The following TEX11 variants were observed in gnomAD, a reference collection of about 807,000 sequenced individuals.
TEX11 encodes testis expressed 11, also known as testis-expressed protein 11.
A neutral mutation model predicts 84.4 loss-of-function variants in TEX11; 7 were observed. The observed-to-expected ratio is 0.08, with a 90% CI of 0.05 to 0.16. The LOEUF is 0.16. Among genes scored for constraint, TEX11 ranks in the 10% least tolerant of loss-of-function variants. The probability of loss-of-function intolerance (pLI) is 1.00; values close to 1 mark genes in which losing one functional copy is unlikely to be tolerated. For synonymous variants in TEX11, 264 were observed against 222.8 expected (o/e 1.18, Z -1.64); for missense variants, 551 against 660.5 (o/e 0.83, Z 1.82).
chrX:70,690,110 T>C (rs2090221909), intron 13 of TEX11, among the ~76,000 whole-genome samples: 1 of 110,869 alleles, frequency 9.0e-6, no homozygotes, highest in Admixed American at 9.6e-5. Context: ...GAAAAATATA[T>C]CTAAGAAACT....
At chrX:70,644,922 T>TA (rs200872256) in intron 17 of TEX11, among the ~76,000 whole-genome samples, 4 of 104,391 alleles carry the variant, frequency 3.8e-5, no homozygotes, top group South Asian at 4.2e-4. Flanking sequence ...TAAAGTATAA[T>TA]AAAAAAAATT....
At chrX:70,661,922 A>G (rs911142105) in intron 16 of TEX11, among the ~76,000 whole-genome samples, 1 of 111,890 alleles carries the variant, frequency 8.9e-6, no homozygotes, top group Non-Finnish European at 1.9e-5. Flanking sequence ...TGGGGAAAAA[A>G]CAGAGCAGAA....
At chrX:70,895,753 C>CA (rs1394175918) in intron 2 of TEX11, among the ~76,000 whole-genome samples, 1 of 111,873 alleles carries the variant, frequency 8.9e-6, no homozygotes, top group African/African-American at 3.2e-5. Context: ...ACAAACTTGA[C>CA]AAAAGCAAGC....
intron 5 of TEX11, among the ~76,000 whole-genome samples, chrX:70,858,623 G>A (rs982626529): frequency 9.0e-6 from 1 of 110,776 alleles, no homozygotes; most frequent in Admixed American, 9.6e-5. Flanking sequence ...ACACCACCAA[G>A]CATCCTCTAT....
intron 14 of TEX11, among the ~76,000 whole-genome samples, chrX:70,682,461 G>A (rs1033317317): frequency 9.0e-6 from 1 of 111,623 alleles, no homozygotes; most frequent in African/African-American, 3.2e-5. Context: ...TGTTTTCAAT[G>A]ATGGTTTCTT....
intron 9 of TEX11, among the ~76,000 whole-genome samples, chrX:70,747,712 C>G (rs753088138): frequency 6.0e-4 from 67 of 111,110 alleles, no homozygotes; most frequent in Admixed American, 3.9e-4. Context: ...AATGACTCAT[C>G]ATATGGAGAA....
At chrX:70,712,893 T>C (rs2090452398) in intron 13 of TEX11, among the ~76,000 whole-genome samples, 1 of 111,303 alleles carries the variant, frequency 9.0e-6, no homozygotes, top group Non-Finnish European at 1.9e-5. Context: ...ATGCTTCCAG[T>C]GTTTGCCCAT....
At chrX:70,709,521 C>T (rs764274133) in intron 13 of TEX11, among the ~76,000 whole-genome samples, 2 of 111,234 alleles carry the variant, frequency 1.8e-5, no homozygotes, top group Non-Finnish European at 3.8e-5. Context: ...TAAAATTCTG[C>T]TACATTCTTA....
chrX:70,563,103 G>C (rs759285123), intron 25 of TEX11, among the ~76,000 whole-genome samples: 1 of 112,105 alleles, frequency 8.9e-6, no homozygotes, highest in South Asian at 3.8e-4. Context: ...CAAAGTCATG[G>C]TTTAGAAATT....
intron 9 of TEX11, among the ~76,000 whole-genome samples, chrX:70,757,549 T>C (rs1882774858): frequency 9.0e-6 from 1 of 111,583 alleles, no homozygotes; most frequent in African/African-American, 3.3e-5. Flanking sequence ...AGAAATAAAA[T>C]CTTTTACAGA....
intron 28 of TEX11, among the ~76,000 whole-genome samples, chrX:70,531,486 T>C (rs948618841): frequency 9.0e-6 from 1 of 110,767 alleles, no homozygotes; most frequent in Non-Finnish European, 1.9e-5. Flanking sequence ...GGTATGAGTG[T>C]TGTGATTTTA....
At chrX:70,716,372 T>G (rs944496265) in intron 13 of TEX11, among the ~76,000 whole-genome samples, 19 of 106,539 alleles carry the variant, frequency 1.8e-4, no homozygotes, top group Non-Finnish European at 2.9e-4. Flanking sequence ...TGTTTGGCTA[T>G]GCCCTGCCCC....
At chrX:70,895,215 C>A (rs2091760416) in intron 2 of TEX11, among the ~76,000 whole-genome samples, 4 of 111,153 alleles carry the variant, frequency 3.6e-5, no homozygotes, top group Non-Finnish European at 7.5e-5. Context: ...ACAAGCATTC[C>A]TATATACCAA....
chrX:70,743,175 C>T (rs984065108), intron 10 of TEX11, among the ~76,000 whole-genome samples: 3 of 112,090 alleles, frequency 2.7e-5, no homozygotes, highest in African/African-American at 9.7e-5. Flanking sequence ...TTTCACTCAG[C>T]GTAGTCTCCT....
intron 4 of TEX11, among the ~76,000 whole-genome samples, chrX:70,868,387 T>C (rs2091610601): frequency 9.0e-6 from 1 of 111,644 alleles, no homozygotes; most frequent in Non-Finnish European, 1.9e-5. Flanking sequence ...GAGATGCTGG[T>C]GAGGATGCGG....
intron 7 of TEX11, among the ~76,000 whole-genome samples, chrX:70,838,806 G>A (rs760573483): frequency 6.2e-5 from 7 of 112,513 alleles, no homozygotes; most frequent in Admixed American, 9.4e-5. Flanking sequence ...CTTTTCCAAC[G>A]GGCTTAAAAA....
At chrX:70,898,306 C>A (rs924750861) in intron 2 of TEX11, among the ~76,000 whole-genome samples, 2 of 111,716 alleles carry the variant, frequency 1.8e-5, no homozygotes, top group Non-Finnish European at 3.8e-5. Flanking sequence ...TGCATAAATG[C>A]CCATTTGAGG....
downstream of TEX11, among the ~76,000 whole-genome samples, chrX:70,526,512 T>C (rs1342816999): frequency 9.4e-6 from 1 of 105,908 alleles, no homozygotes; most frequent in Non-Finnish European, 1.9e-5. Context: ...GAGGTTGCAG[T>C]GTGCCGAGAT....
chrX:70,739,907 T>C (rs1414052384), intron 11 of TEX11, among the ~76,000 whole-genome samples: 1 of 111,827 alleles, frequency 8.9e-6, no homozygotes, highest in East Asian at 2.8e-4. Flanking sequence ...ATCTCCCACA[T>C]TGGCCTCCTG....
Sources: allele counts gnomAD v4.1 joint callset (sites outside exome capture counted in the v4.1 genomes callset), GRCh38; gene constraint gnomAD v4.1.1; transcripts MANE v1.5; gene names NCBI Gene and HGNC (gene_info 2026-07-23, HGNC 2026-07-21).